The following SERPINB7 variants were observed in gnomAD, a reference collection of about 807,000 sequenced individuals.
SERPINB7 encodes serpin family B member 7.
SERPINB7 carries 31 observed loss-of-function variants against 37.4 expected under a neutral mutation model. The observed-to-expected ratio is 0.83, with a 90% CI of 0.62 to 1.12. SERPINB7 has a LOEUF of 1.12. SERPINB7 is among the 50% of genes most tolerant of loss of function. SERPINB7 has a pLI of 0.00. For missense variants in SERPINB7, 521 were observed against 455.3 expected, an observed-to-expected ratio of 1.14 and a Z score of -1.31; for synonymous variants, 163 against 166.1, an observed-to-expected ratio of 0.98 and a Z score of 0.14.
intron 1 of SERPINB7, among the ~76,000 whole-genome samples, chr18:63,765,789 C>T (rs558464150): frequency 1.3e-5 from 2 of 152,240 alleles, no homozygotes; most frequent in East Asian, 3.9e-4. Context: ...TATTCTCTTT[C>T]TAGAAACCGA....
At chr18:63,800,420 A>G (rs1054715328) in intron 6 of SERPINB7, among the ~76,000 whole-genome samples, 1 of 152,026 alleles carries the variant, frequency 6.6e-6, no homozygotes, top group Non-Finnish European at 1.5e-5. Context: ...AGAAAAAAAA[A>G]CCTATAGCAT....
At position 63,805,276 on chromosome 18, in the gene SERPINB7, A is replaced by G. The variant is rs1244448008; in HGVS notation, c.*641A>G. The G allele has an allele frequency of 6.6e-6, 1 of 152,320 alleles. No individual in the cohort carries two copies. The highest frequency in any genetic ancestry group is 1.5e-5 in the Non-Finnish European group (1 of 68,140). 9.4% of individuals were successfully genotyped at this position (152,320 alleles called of 1,614,324 possible). On this transcript the variant is annotated 3_prime_UTR_variant, in exon 8 of 8. Transcript: ENST00000398019. ...TTTTTTCAAATATTAAAGATCTTTT[A>G]ACTGTTGGCAGTTGTTATCTACAGA... is the stretch of plus-strand genomic sequence containing the variant.
At chr18:63,784,992 G>A (rs2049349781) in intron 2 of SERPINB7, among the ~76,000 whole-genome samples, 1 of 152,210 alleles carries the variant, frequency 6.6e-6, no homozygotes, top group South Asian at 2.1e-4. Context: ...TGAACTGAGA[G>A]AGCTGCTGTT....
intron 1 of SERPINB7, among the ~76,000 whole-genome samples, chr18:63,754,627 T>G (rs1163577029): frequency 6.6e-6 from 1 of 152,164 alleles, no homozygotes; most frequent in Non-Finnish European, 1.5e-5. Context: ...AGTCCCTCCC[T>G]TGGAGCCCCA....
chr18:63,786,144 C>CGTATATACATATATAA (rs1181124480), intron 2 of SERPINB7, among the ~76,000 whole-genome samples: 1 of 89,976 alleles, frequency 1.1e-5, no homozygotes, highest in Non-Finnish European at 2.5e-5. Flanking sequence ...TACATATATA[C>CGTATATACATATATAA]ACACACACAC....
At chr18:63,767,340 A>C (rs2049186198) in intron 1 of SERPINB7, among the ~76,000 whole-genome samples, 1 of 152,156 alleles carries the variant, frequency 6.6e-6, no homozygotes. Flanking sequence ...GTATTTATTC[A>C]GGATGGGAAT....
chr18:63,795,007 A>T (rs2049472221), intron 4 of SERPINB7, among the ~76,000 whole-genome samples: 2 of 152,242 alleles, frequency 1.3e-5, no homozygotes, highest in Admixed American at 6.5e-5. Flanking sequence ...ATTTGTGTAT[A>T]TTCATTGAAT....
chr18:63,768,861 G>T (rs1202621160), intron 1 of SERPINB7, among the ~76,000 whole-genome samples: 1 of 151,964 alleles, frequency 6.6e-6, no homozygotes, highest in Non-Finnish European at 1.5e-5. Context: ...CCATAAATCA[G>T]ATTATGGTTT....
chr18:63,765,632 T>A (rs913278902), intron 1 of SERPINB7, among the ~76,000 whole-genome samples: 3 of 152,102 alleles, frequency 2.0e-5, no homozygotes, highest in Admixed American at 2.0e-4. Context: ...CTCTTCTTGC[T>A]GTTCTTTATT....
rs118099916 is a variant in SERPINB7, at chr18:63,799,840, T to C, written c.598-1026T>C. Among the ~76,000 whole-genome samples the C allele has an allele frequency of 9.8e-5, 15 of 152,328 alleles. No homozygotes were observed. The East Asian group carries it at 2.1e-3, about 22-fold the overall frequency. On this transcript the variant is annotated intron_variant, in intron 6 of 7. Coordinates refer to ENST00000398019, the MANE Select transcript of SERPINB7 (RefSeq NM_003784.4). ...AATTATCTGTCCTCCCCATGTAGGA[T>C]GTTTTTTCCTAAAAGGGGATATTAC... is the stretch of plus-strand genomic sequence containing the variant.
chr18:63,791,454 C>G (rs1720843), intron 2 of SERPINB7, among the ~76,000 whole-genome samples: 26,319 of 151,840 alleles, frequency 0.17, 3,605 homozygotes, highest in East Asian at 0.5. Context: ...CAAAAAATAA[C>G]AGGAAAATCT....
intron 1 of SERPINB7, among the ~76,000 whole-genome samples, chr18:63,755,183 C>T (rs565468599): frequency 5.9e-4 from 89 of 152,098 alleles, no homozygotes; most frequent in Non-Finnish European, 1.1e-3. Flanking sequence ...GGATTACAGG[C>T]GTGAGCCACC....
At chr18:63,760,151 T>A (rs2049145005) in intron 1 of SERPINB7, among the ~76,000 whole-genome samples, 3 of 152,174 alleles carry the variant, frequency 2.0e-5, no homozygotes, top group Admixed American at 1.3e-4. Context: ...CTGATAGCAA[T>A]ATGGACAATA....
Position 63,804,859 on chromosome 18 carries a change from A to C in SERPINB7, c.*224A>C. 7.9e-6 allele frequency: 4 copies of C among 507,300 alleles called. No individual in the cohort carries two copies. The highest frequency in any genetic ancestry group is 1.4e-5 in the Non-Finnish European group (4 of 290,912). 31.4% of individuals were successfully genotyped at this position (507,300 alleles called of 1,614,324 possible). On this transcript the variant is annotated 3_prime_UTR_variant, in exon 8 of 8. Transcript: ENST00000398019. Reference sequence around the variant, plus strand: ...ACCACCATGTGTCTCACCCATTTCTAATTTCATTGTCTTTCTTCCCACGCT... The same window carrying C: ...ACCACCATGTGTCTCACCCATTTCTCATTTCATTGTCTTTCTTCCCACGCT...
chr18:63,787,727 T>C (rs2049386670), intron 2 of SERPINB7, among the ~76,000 whole-genome samples: 1 of 152,158 alleles, frequency 6.6e-6, no homozygotes, highest in African/African-American at 2.4e-5. Flanking sequence ...CAGTCTGTCT[T>C]AAGAAAAATT....
chr18:63,759,572 A>T (rs1262204969), intron 1 of SERPINB7, among the ~76,000 whole-genome samples: 2 of 151,608 alleles, frequency 1.3e-5, no homozygotes, highest in Non-Finnish European at 2.9e-5. Flanking sequence ...CCAGTAGCTC[A>T]TCTGGTAACT....
At chr18:63,768,717 A>T (rs187391683) in intron 1 of SERPINB7, among the ~76,000 whole-genome samples, 3 of 152,132 alleles carry the variant, frequency 2.0e-5, no homozygotes, top group African/African-American at 4.8e-5. Flanking sequence ...TGCAAAAAAA[A>T]TTGCCACACC....
At chr18:63,773,373 T>A (rs2049222558), upstream of SERPINB7, among the ~76,000 whole-genome samples, 1 of 152,120 alleles carries the variant, frequency 6.6e-6, no homozygotes, top group Admixed American at 6.6e-5. Context: ...GCAAAGAATA[T>A]CCCTAATTTG....
chr18:63,787,912 T>C (rs979650977), intron 2 of SERPINB7, among the ~76,000 whole-genome samples: 2 of 152,220 alleles, frequency 1.3e-5, no homozygotes, highest in African/African-American at 4.8e-5. Flanking sequence ...TATTGTCTAG[T>C]GATGTTGCAG....
Sources: gnomAD v4.1 joint callset for allele counts (sites outside exome capture counted in the v4.1 genomes callset) on GRCh38, gnomAD v4.1.1 for gene constraint, MANE v1.5 for transcripts, NCBI Gene and HGNC (gene_info 2026-07-23, HGNC 2026-07-21) for gene names.